The following PMVK variants were observed in gnomAD, a reference collection of about 807,000 sequenced individuals.
The protein encoded by PMVK is phosphomevalonate kinase.
PMVK carries 10 observed loss-of-function variants against 19.0 expected under a neutral mutation model. That is an observed-to-expected ratio of 0.53 (90% CI 0.32 to 0.89). The LOEUF (loss-of-function observed/expected upper bound fraction) is 0.89, where lower values mean the gene tolerates loss of function less well. Ranked by LOEUF, PMVK falls within the 40% of genes least tolerant of loss-of-function variation. The pLI, the probability that PMVK is intolerant of heterozygous loss-of-function variation, is 0.03. For synonymous variants in PMVK, 108 were observed against 101.6 expected (o/e 1.06, Z -0.38); for missense variants, 222 against 251.1 (o/e 0.88, Z 0.78).
upstream of PMVK, chr1:154,937,807 A>AG (rs937642965): frequency 3.2e-4 from 49 of 152,338 alleles, no homozygotes; most frequent in African/African-American, 1.2e-3. Context: ...AGATGCAAAA[A>AG]GAACAGACTT....
At chr1:154,930,932 T>A (rs936846449) in intron 2 of PMVK, among the ~76,000 whole-genome samples, 1 of 151,038 alleles carries the variant, frequency 6.6e-6, no homozygotes, top group Non-Finnish European at 1.5e-5. Context: ...CAAAAAAAAA[T>A]TTTAAACTTA....
intron 2 of PMVK, 147 bp downstream of exon 2, chr1:154,932,205 G>T: frequency 1.5e-6 from 1 of 682,976 alleles, no homozygotes; most frequent in Middle Eastern, 3.9e-4. Context: ...GCCCCCGAAA[G>T]GTCCACTCAC....
upstream of PMVK, among the ~76,000 whole-genome samples, chr1:154,938,861 C>A (rs1400147139): frequency 6.6e-6 from 1 of 152,234 alleles, no homozygotes; most frequent in African/African-American, 2.4e-5. Context: ...GGCAGCCCAG[C>A]AATCCTGGTG....
At chr1:154,925,478 C>A (rs543443015) in intron 4 of PMVK, among the ~76,000 whole-genome samples, 1 of 152,352 alleles carries the variant, frequency 6.6e-6, no homozygotes, top group Non-Finnish European at 1.5e-5. Context: ...CAGCTGATCC[C>A]TCCTGACTTA....
upstream of PMVK, chr1:154,936,764 C>A: frequency 7.8e-7 from 1 of 1,288,126 alleles, no homozygotes; most frequent in Non-Finnish European, 1.1e-6. Context: ...GGAATGGACG[C>A]GGCCACTAAG....
At position 154,936,655 on chromosome 1, in the gene PMVK, C is replaced by G. The variant is rs41264043; in HGVS notation, c.31G>C (p.Val11Leu). Residue 11 changes from valine (V) to leucine (L), a missense_variant, in exon 1 of 5, where the codon GTA (valine) becomes CTA (leucine). Val to Leu is a conservative substitution (Grantham distance 32, BLOSUM62 1). Coordinates refer to ENST00000368467, the MANE Select transcript of PMVK (RefSeq NM_006556.4). ...TTCCTCTTGCCGCTGAACAGCAGTACCAGCCGCGGGGCGCCTCCCAGCGGG... is the reference window on the plus strand; with the variant it reads ...TTCCTCTTGCCGCTGAACAGCAGTAGCAGCCGCGGGGCGCCTCCCAGCGGG... MAPLGGAPRL[V>L]LLFSGKRKSG... 7 of 1,608,706 alleles carry G rather than the reference C, an allele frequency of 4.4e-6. No individual in the cohort carries two copies. The highest frequency in any genetic ancestry group is 5.9e-6 in the Non-Finnish European group (7 of 1,178,050).
chr1:154,941,582 C>A (rs563629602), upstream of PMVK, among the ~76,000 whole-genome samples: 2 of 152,198 alleles, frequency 1.3e-5, no homozygotes, highest in Admixed American at 1.3e-4. Flanking sequence ...TGGGAGGTTC[C>A]CATGGCAACA....
At chr1:154,931,810 G>T in intron 2 of PMVK, among the ~76,000 whole-genome samples, 1 of 149,086 alleles carries the variant, frequency 6.7e-6, no homozygotes, top group Admixed American at 6.7e-5. Flanking sequence ...GACAACTTCT[G>T]GGACTAAATT....
At chr1:154,940,821 C>T (rs1290547772), upstream of PMVK, among the ~76,000 whole-genome samples, 1 of 152,232 alleles carries the variant, frequency 6.6e-6, no homozygotes, top group Non-Finnish European at 1.5e-5. Context: ...CCCGCCAGCT[C>T]CTGCCACATC....
At chr1:154,934,945 CCAGCTACTCGGGAGGCTGAGA>C (rs1482279318) in intron 1 of PMVK, among the ~76,000 whole-genome samples, 1 of 151,494 alleles carries the variant, frequency 6.6e-6, no homozygotes, top group Non-Finnish European at 1.5e-5. Context: ...ACCTGTAATC[CCAGCTACTCGGGAGGCTGAGA>C]CAGGAAAATC....
chr1:154,926,151 G>A (rs1373119199), intron 4 of PMVK, among the ~76,000 whole-genome samples: 5 of 152,208 alleles, frequency 3.3e-5, no homozygotes, highest in Non-Finnish European at 7.3e-5. Context: ...CACCAAAGCA[G>A]CCCACTGGCC....
chr1:154,925,221 C>A lies in PMVK; in HGVS notation c.487G>T (p.Asp163Tyr). The A allele has an allele frequency of 1.9e-6, 3 of 1,614,062 alleles. No homozygotes were observed. The highest frequency in any genetic ancestry group is 2.5e-6 in the Non-Finnish European group (3 of 1,179,968). Residue 163 changes from aspartate (D) to tyrosine (Y), a missense_variant, in exon 5 of 5, where the codon GAC becomes TAC. Transcript: ENST00000368467. ...ESECGLDNFG[D>Y]FDWVIENHGV... ...TGGTTCTCGATGACCCAGTCAAAGTCCCCGAAGTTGTCCAGGCCACATTCT... is the reference window on the plus strand; with the variant it reads ...TGGTTCTCGATGACCCAGTCAAAGTACCCGAAGTTGTCCAGGCCACATTCT...
intron 2 of PMVK, among the ~76,000 whole-genome samples, chr1:154,930,859 A>G (rs1654313613): frequency 6.6e-6 from 1 of 152,102 alleles, no homozygotes; most frequent in Non-Finnish European, 1.5e-5. Context: ...CCATAGTGGG[A>G]GGATCACTTG....
chr1:154,927,862 C>T (rs1654216044), intron 3 of PMVK, among the ~76,000 whole-genome samples: 1 of 151,658 alleles, frequency 6.6e-6, no homozygotes, highest in African/African-American at 2.4e-5. Context: ...AATAAAACAG[C>T]AACGCTTCCC....
At position 154,932,201 on chromosome 1, in the gene PMVK, G is replaced by A. The variant is rs531605619; in HGVS notation, c.159+151C>T. 4.5e-4 allele frequency: 301 copies of A among 672,848 alleles called. No homozygotes were observed. In the African/African-American group the frequency reaches 4.5e-3, roughly 10 times the overall value. 41.7% of individuals were successfully genotyped at this position (672,848 alleles called of 1,614,324 possible). ...AGAAATATAAGCTGAAAATGCCCCC[G>A]AAAGGTCCACTCACAGAAAACCAAG... On this transcript the variant is annotated intron_variant, in intron 2 of 4. Transcript: ENST00000368467.
chr1:154,930,405 G>A (rs564303346), intron 2 of PMVK, among the ~76,000 whole-genome samples: 7 of 152,334 alleles, frequency 4.6e-5, no homozygotes, highest in African/African-American at 9.6e-5. Context: ...AGGTTGCAGT[G>A]AGCCAAGATC....
intron 1 of PMVK, among the ~76,000 whole-genome samples, chr1:154,935,857 CTT>C (rs35227286): frequency 0.2 from 31,063 of 151,900 alleles, 7,270 homozygotes; most frequent in African/African-American, 0.58. Flanking sequence ...ACTAGGCTAA[CTT>C]TTCCATTTTT....
rs754316108 is a variant in PMVK, at chr1:154,926,437, T to C, written c.359A>G (p.Glu120Gly). ...CGTCTGCGTCACGGCCCCATAGGCC[T>C]CCCGAAACCACTGGATGTCAGACAC... ...RRVSDIQWFREAYGAVTQTVR... is the reference protein window; with the variant it reads ...RRVSDIQWFRGAYGAVTQTVR... Residue 120 changes from glutamate to glycine, a missense_variant, in exon 4 of 5, where the codon GAG (glutamate) becomes GGG (glycine). Transcript: ENST00000368467. The C allele has an allele frequency of 1.1e-5, 17 of 1,613,866 alleles. No individual in the cohort carries two copies. In the East Asian group the frequency reaches 3.8e-4, roughly 36 times the overall value.
At chr1:154,934,567 G>A (rs953478080) in intron 1 of PMVK, among the ~76,000 whole-genome samples, 1 of 152,144 alleles carries the variant, frequency 6.6e-6, no homozygotes. Context: ...AGATGAGGAA[G>A]CTGAGGTTGT....
Sources: gnomAD v4.1 joint callset for allele counts (sites outside exome capture counted in the v4.1 genomes callset) on GRCh38, gnomAD v4.1.1 for gene constraint, MANE v1.5 for transcripts, NCBI Gene and HGNC (gene_info 2026-07-23, HGNC 2026-07-21) for gene names.